Variants in TLE2 observed in about 807,000 individuals in gnomAD.
TLE2 encodes transducin-like enhancer protein 2.
TLE2 carries 74 observed loss-of-function variants against 97.2 expected under a neutral mutation model. The observed-to-expected ratio is 0.76, with a 90% CI of 0.63 to 0.92. TLE2 has a LOEUF of 0.92. TLE2 is among the 40% of genes least tolerant of loss of function. The probability of loss-of-function intolerance (pLI) is 0.00; values close to 1 mark genes in which losing one functional copy is unlikely to be tolerated. For missense variants in TLE2, 1,038 were observed against 1,008.7 expected, an observed-to-expected ratio of 1.03 and a Z score of -0.39; for synonymous variants, 499 against 432.1, an observed-to-expected ratio of 1.15 and a Z score of -1.92.
chr19:3,001,206 G>A (rs1283078966), intron 18 of TLE2, among the ~76,000 whole-genome samples: 1 of 151,628 alleles, frequency 6.6e-6, no homozygotes, highest in African/African-American at 2.4e-5. Context: ...CCAGGACGCA[G>A]AGGTTGCAGT....
chr19:3,013,939 G>T, intron 10 of TLE2, 121 bp from the exon 11 acceptor site: 1 of 1,014,650 alleles, frequency 9.9e-7, no homozygotes, highest in Non-Finnish European at 1.3e-6. Context: ...CCCACCATGG[G>T]AAGATTATGA....
upstream of TLE2, among the ~76,000 whole-genome samples, chr19:3,033,525 C>T (rs1267523725): frequency 1.3e-5 from 2 of 152,152 alleles, no homozygotes; most frequent in Non-Finnish European, 2.9e-5. Context: ...TGGTCTTGAT[C>T]TCCTGGCAGG....
Position 3,045,614 on chromosome 19 carries a change from C to G in TLE2, c.63+112G>C, listed in dbSNP as rs548018636. The G allele has an allele frequency of 1.0e-4, 35 of 337,030 alleles. No homozygotes were observed. In the East Asian group the frequency reaches 2.8e-3, roughly 27 times the overall value. 20.9% of individuals were successfully genotyped at this position (337,030 alleles called of 1,614,324 possible). On this transcript the variant is annotated intron_variant, in intron 1 of 18. Coordinates refer to the TLE2 transcript ENST00000426948. ...GGCGGATCACTTGAGGTCAGGAGTT[C>G]GAGACCAGCCTGGCCAACATGGTGA...
intron 1 of TLE2, among the ~76,000 whole-genome samples, chr19:3,035,101 G>C (rs921131831): frequency 6.6e-6 from 1 of 152,150 alleles, no homozygotes; most frequent in African/African-American, 2.4e-5. Context: ...ACGCACACAG[G>C]AACACACCCC....
Position 3,005,757 on chromosome 19 carries a change from A to G in TLE2, c.1712T>C (p.Ile571Thr). 1.2e-6 allele frequency: 2 copies of G among 1,613,874 alleles called. No individual in the cohort carries two copies. Among genetic ancestry groups the G allele is most frequent in the Non-Finnish European group, 1.7e-6 (2 of 1,179,838 alleles). Residue 571 changes from isoleucine to threonine, a missense_variant, in exon 16 of 20, where the codon ATT becomes ACT. By Grantham distance (89) the Ile-to-Thr change is moderately conservative (BLOSUM62 -1). Coordinates refer to ENST00000262953, the MANE Select transcript of TLE2 (RefSeq NM_003260.5). ...VCFSCCSDGN[I>T]VVWDLQNQTM... ...CTGATTCTGCAGGTCCCAGACCACA[A>G]TGTTGCCATCGCTGCAGCAGGAGAA...
intron 4 of TLE2, 34 bp downstream of exon 4, chr19:3,027,795 C>G: frequency 6.2e-7 from 1 of 1,604,736 alleles, no homozygotes; most frequent in Admixed American, 1.7e-5. Flanking sequence ...CCCCCACCCT[C>G]CCTCCTGAAC....
In TLE2 at chr19:2,997,935, G is replaced by T; in HGVS notation, c.2145C>A (p.Val715=). 6.2e-7 allele frequency: 1 copy of T among 1,612,428 alleles called. No individual in the cohort carries two copies. Among genetic ancestry groups the T allele is most frequent in the Non-Finnish European group, 8.5e-7 (1 of 1,179,296 alleles). Reference sequence around the variant, plus strand: ...TATTTCTGGAGATGTCACAACTCAGGACTGAGGACGACTCCTTGGACTGCC... The same window carrying T: ...TATTTCTGGAGATGTCACAACTCAGTACTGAGGACGACTCCTTGGACTGCC... ...SIFQSKESSS[V]LSCDISRNNK... Residue 715 remains valine (V), a synonymous_variant, in exon 20 of 20, where the codon GTC becomes GTA. Transcript: ENST00000262953.
At position 3,011,093 on chromosome 19, in the gene TLE2, G is replaced by A. The variant is rs1282344588; in HGVS notation, c.941C>T (p.Thr314Ile). ...GTGACTGGCCGAGCTGGGCCCGGGG[G>A]TGGAAGCGTCCTGGGGCGGGGAGGA... is the stretch of plus-strand genomic sequence containing the variant. ...CDSSPPQDASTPGPSSASHLC... is the reference protein window; with the variant it reads ...CDSSPPQDASIPGPSSASHLC... Residue 314 changes from threonine to isoleucine, a missense_variant, in exon 12 of 20, where the codon ACC becomes ATC. Thr to Ile is a moderately conservative substitution (Grantham distance 89). Transcript: ENST00000262953. 6.2e-7 allele frequency: 1 copy of A among 1,611,242 alleles called. No individual in the cohort carries two copies. The highest frequency in any genetic ancestry group is 1.1e-5 in the South Asian group (1 of 90,680).
At chr19:3,033,456 C>T (rs71339160), upstream of TLE2, among the ~76,000 whole-genome samples, 8,447 of 152,202 alleles carry the variant, frequency 0.055, 346 homozygotes, top group Middle Eastern at 0.12. Flanking sequence ...CGTGAGCCAC[C>T]GCACCCGGCT....
At chr19:3,028,009 C>T in intron 3 of TLE2, 136 bp from the exon 4 acceptor site, 2 of 912,220 alleles carry the variant, frequency 2.2e-6, no homozygotes, top group Non-Finnish European at 3.4e-6. Flanking sequence ...CCCAGCTCCA[C>T]GGGGTCCCAG....
At position 3,010,146 on chromosome 19, in the gene TLE2, C is replaced by A. The variant is rs2089564123; in HGVS notation, c.1013-444G>T. 2.6e-5 allele frequency among the ~76,000 whole-genome samples: 4 copies of A among 151,570 alleles called. No individual in the cohort carries two copies. In the South Asian group the frequency reaches 8.4e-4, roughly 32 times the overall value. ...TGGGAGGCCGAGGTGGGCGGATCAC[C>A]TGAGGTCAGGAGTTCAAGACCAGCC... On this transcript the variant is annotated intron_variant, in intron 12 of 19. Transcript: ENST00000262953.
At position 3,002,448 on chromosome 19, in the gene TLE2, C is replaced by T. The variant is rs553174552; in HGVS notation, c.1952G>A (p.Ser651Asn). 6 of 1,608,736 alleles carry T rather than the reference C, an allele frequency of 3.7e-6. No homozygotes were observed. The highest frequency in any genetic ancestry group is 5.1e-6 in the Non-Finnish European group (6 of 1,177,894). Residue 651 changes from serine (S) to asparagine (N), a missense_variant, in exon 18 of 20, where the codon AGT (serine) becomes AAT (asparagine). Physicochemically the swap from Ser to Asn is conservative, Grantham distance 46 (BLOSUM62 1). Coordinates refer to ENST00000262953, the MANE Select transcript of TLE2 (RefSeq NM_003260.5). ...NQDWLAVGME[S>N]SNVEILHVRK... ...GACGTGCAGGATCTCCACGTTGCTA[C>T]TCTCCATTCCGACCGCCAGCCAGTC...
intron 4 of TLE2, among the ~76,000 whole-genome samples, chr19:3,025,827 A>G (rs756369143): frequency 2.6e-5 from 4 of 151,922 alleles, no homozygotes; most frequent in Admixed American, 6.6e-5. Context: ...AGGGGGGTCT[A>G]TTGCGTGGAC....
At position 3,015,770 on chromosome 19, in the gene TLE2, G is replaced by A; in HGVS notation, c.571-10C>T. On this transcript the variant is annotated splice_polypyrimidine_tract_variant and intron_variant, in intron 8 of 19. Coordinates refer to ENST00000262953, the MANE Select transcript of TLE2 (RefSeq NM_003260.5). ...GCGAGGGAGATGCACTCTGCGGAGA[G>A]ACAAAGGCCGGGGGGAGAAAGGGTC... The A allele has an allele frequency of 6.3e-7, 1 of 1,592,178 alleles. No individual in the cohort carries two copies. The highest frequency in any genetic ancestry group is 1.7e-5 in the Admixed American group (1 of 57,350).
chr19:3,025,286 C>T, intron 4 of TLE2: 1 of 1,185,442 alleles, frequency 8.4e-7, no homozygotes, highest in Non-Finnish European at 1.1e-6. Context: ...CTGAGCGAGG[C>T]CCAGGGTGGC....
chr19:3,042,106 C>A (rs2090108093), intron 1 of TLE2, among the ~76,000 whole-genome samples: 1 of 141,922 alleles, frequency 7.0e-6, no homozygotes, highest in Non-Finnish European at 1.5e-5. Context: ...GCGCAGGGAG[C>A]GTGGGGACCG....
chr19:3,009,819 G>A, intron 12 of TLE2, 117 bp from the exon 13 acceptor site: 3 of 1,314,286 alleles, frequency 2.3e-6, no homozygotes, highest in South Asian at 2.9e-5. Context: ...TTCCACATTG[G>A]CCATAGCCTG....
At chr19:3,040,204 C>T (rs1248162864) in intron 1 of TLE2, among the ~76,000 whole-genome samples, 1 of 152,208 alleles carries the variant, frequency 6.6e-6, no homozygotes, top group Non-Finnish European at 1.5e-5. Context: ...CCGTCTCTAT[C>T]TCCACCCTCC....
intron 5 of TLE2, among the ~76,000 whole-genome samples, chr19:3,021,353 C>T (rs1042559405): frequency 6.7e-6 from 1 of 149,206 alleles, no homozygotes; most frequent in Non-Finnish European, 1.5e-5. Flanking sequence ...TGCAGTGAGC[C>T]AAGATCGTGC....
Sources: allele counts gnomAD v4.1 joint callset (sites outside exome capture counted in the v4.1 genomes callset), GRCh38; gene constraint gnomAD v4.1.1; transcripts MANE v1.5; gene names NCBI Gene and HGNC (gene_info 2026-07-23, HGNC 2026-07-21).